HNRNPH3: variants seen among roughly 807,000 people sequenced by gnomAD.
HNRNPH3 encodes the protein heterogeneous nuclear ribonucleoprotein 2H9.
HNRNPH3 carries 7 observed loss-of-function variants against 47.0 expected under a neutral mutation model. That is an observed-to-expected ratio of 0.15 (90% CI 0.08 to 0.28). HNRNPH3 has a LOEUF of 0.28. Among genes scored for constraint, HNRNPH3 ranks in the 10% least tolerant of loss-of-function variants. The pLI is 1.00. For missense variants in HNRNPH3, 279 were observed against 449.6 expected, an observed-to-expected ratio of 0.62 and a Z score of 3.43; for synonymous variants, 120 against 143.2, an observed-to-expected ratio of 0.84 and a Z score of 1.16.
At chr10:68,341,348 C>T (rs373068500) in intron 7 of HNRNPH3, 39 bp downstream of exon 7, 128 of 1,571,986 alleles carry the variant, frequency 8.1e-5, no homozygotes, top group Admixed American at 1.3e-4. Flanking sequence ...ATTTCCTAAA[C>T]GTGAATTTAT....
chr10:68,338,681 G>T lies in HNRNPH3; in HGVS notation c.430G>T (p.Asp144Tyr). The T allele has an allele frequency of 6.3e-7, 1 of 1,589,564 alleles. No homozygotes were observed. Among genetic ancestry groups the T allele is most frequent in the South Asian group, 1.1e-5 (1 of 87,640 alleles). ...DRMRRGGDGYDGGYGGFDDYG... is the reference protein window; with the variant it reads ...DRMRRGGDGYYGGYGGFDDYG... ...AATGCGACGAGGAGGTGATGGATAT[G>T]ATGGTGGTATGTGTATCTAATGAAC... is the stretch of plus-strand genomic sequence containing the variant. Residue 144 changes from aspartate (D) to tyrosine (Y), a missense_variant, in exon 4 of 10, where the codon GAT becomes TAT. Asp to Tyr is a radical substitution (Grantham distance 160). Around this residue, in one of 2 missense-constraint regions of HNRNPH3, gnomAD observed 239 missense variants for 335.8 expected, o/e 0.71. Coordinates refer to ENST00000265866, the MANE Select transcript of HNRNPH3 (RefSeq NM_012207.3).
intron 1 of HNRNPH3, among the ~76,000 whole-genome samples, chr10:68,334,488 A>C (rs2134651373): frequency 6.6e-6 from 1 of 152,248 alleles, no homozygotes; most frequent in Non-Finnish European, 1.5e-5. Context: ...TAGTACATTC[A>C]CAGCGTTGTG....
intron 4 of HNRNPH3, 42 bp downstream of exon 4, chr10:68,338,729 T>TA (rs769812924): frequency 6.9e-7 from 1 of 1,451,248 alleles, no homozygotes; most frequent in South Asian, 1.4e-5. Flanking sequence ...GTCATTTTCT[T>TA]AATGTTCCTG....
chr10:68,332,546 C>T (rs2045218861), intron 1 of HNRNPH3, among the ~76,000 whole-genome samples: 1 of 152,250 alleles, frequency 6.6e-6, no homozygotes, highest in Admixed American at 6.5e-5. Flanking sequence ...CCGCCCTTCC[C>T]CGCTCTTTTT....
intron 6 of HNRNPH3, among the ~76,000 whole-genome samples, chr10:68,340,529 C>A (rs757293596): frequency 1.3e-5 from 2 of 152,178 alleles, no homozygotes; most frequent in African/African-American, 4.8e-5. Context: ...CACACCATTC[C>A]TCTACCTGTT....
At chr10:68,338,910 A>G (rs1360842210) in intron 4 of HNRNPH3, 3 of 530,788 alleles carry the variant, frequency 5.7e-6, no homozygotes, top group Non-Finnish European at 9.7e-6. Context: ...GCATATTTTG[A>G]CCTTTTTTTG....
chr10:68,333,017 G>A (rs573949499), intron 1 of HNRNPH3: 1 of 152,256 alleles, frequency 6.6e-6, no homozygotes, highest in South Asian at 2.1e-4. Context: ...TGGTCTCTAG[G>A]GCAGCTAGAT....
chr10:68,337,676 AATTT>A lies in HNRNPH3; in HGVS notation c.113-176_113-173del, dbSNP rs1037271793. 4.4e-5 allele frequency: 25 copies of A among 568,070 alleles called. 1 individual carries two copies. In the Middle Eastern group the frequency reaches 1.5e-3, roughly 33 times the overall value. The allele number at this position is 568,070 out of a possible 1,614,324, so 35.2% of individuals were successfully genotyped here. On this transcript the variant is annotated intron_variant, in intron 2 of 9. Transcript: ENST00000265866. This position sits in a 1 kb window ranked among gnomAD's most constrained non-coding sequence, Gnocchi z 4.5. ...CAGTGTTTTTACACTGGTCGCAAAAAATTTATTTAATCCAGTAATATTTGAAAAA... is the reference window on the plus strand; with the variant it reads ...CAGTGTTTTTACACTGGTCGCAAAAAATTTAATCCAGTAATATTTGAAAAA...
intron 6 of HNRNPH3, among the ~76,000 whole-genome samples, chr10:68,340,835 CTG>C (rs1313224849): frequency 6.6e-6 from 1 of 151,850 alleles, no homozygotes; most frequent in Non-Finnish European, 1.5e-5. Context: ...GTCTCCCACT[CTG>C]TCTCTCTGAG....
chr10:68,333,240 T>C (rs986524850), intron 1 of HNRNPH3, among the ~76,000 whole-genome samples: 1 of 143,662 alleles, frequency 7.0e-6, no homozygotes, highest in Non-Finnish European at 1.5e-5. Flanking sequence ...AAGTAGGTCG[T>C]CTGGGCCCAG....
upstream of HNRNPH3, chr10:68,332,029 C>G (rs972580627): frequency 6.5e-6 from 1 of 152,678 alleles, no homozygotes; most frequent in East Asian, 1.9e-4. Context: ...CTCCGCCCCC[C>G]ACTTCTTGCT....
chr10:68,338,479 G>A (rs1300787458), intron 3 of HNRNPH3, 24 bp from the exon 4 acceptor site: 4 of 1,508,402 alleles, frequency 2.7e-6, no homozygotes, highest in East Asian at 2.3e-5. Flanking sequence ...GCTGAAACCT[G>A]TACCTTAAAA....
At chr10:68,341,493 ATTAC>A (rs933610359) in intron 7 of HNRNPH3, 88 bp from the exon 8 acceptor site, 60 of 1,039,958 alleles carry the variant, frequency 5.8e-5, no homozygotes, top group African/African-American at 9.8e-5. Flanking sequence ...TTTGTTTAAT[ATTAC>A]TTAATTGATC....
chr10:68,337,590 T>C lies in HNRNPH3; in HGVS notation c.112+257T>C. 1 of 533,366 alleles carries C rather than the reference T, an allele frequency of 1.9e-6. No homozygotes were observed. The highest frequency in any genetic ancestry group is 2.8e-5 in the South Asian group (1 of 35,568). 33.0% of individuals were successfully genotyped at this position (533,366 alleles called of 1,614,324 possible). ...ACCGTGAATTAGTATATGGAGCATA[T>C]ATTTGATTTTGTAGCCTTTTTTCAT... On this transcript the variant is annotated intron_variant, in intron 2 of 9. Coordinates refer to ENST00000265866, the MANE Select transcript of HNRNPH3 (RefSeq NM_012207.3). This position sits in a 1 kb window ranked among gnomAD's most constrained non-coding sequence, Gnocchi z 4.5.
At chr10:68,340,845 G>C (rs1343609934) in intron 6 of HNRNPH3, among the ~76,000 whole-genome samples, 4 of 150,514 alleles carry the variant, frequency 2.7e-5, no homozygotes, top group South Asian at 2.1e-4. Context: ...CTGTCTCTCT[G>C]AGGCTGGAGT....
At chr10:68,340,210 G>T (rs1024908172) in intron 6 of HNRNPH3, among the ~76,000 whole-genome samples, 2 of 152,058 alleles carry the variant, frequency 1.3e-5, no homozygotes, top group Admixed American at 1.3e-4. Context: ...CTAACTTTTT[G>T]TATTTTTAGT....
At chr10:68,339,584 T>G in intron 6 of HNRNPH3, 29 bp downstream of exon 6, 2 of 1,350,564 alleles carry the variant, frequency 1.5e-6, no homozygotes, top group Non-Finnish European at 2.1e-6. Context: ...CTATTAGTGG[T>G]TTTATACTTA....
At position 68,339,472 on chromosome 10, in the gene HNRNPH3, G is replaced by T; in HGVS notation, c.556G>T (p.Asp186Tyr). 1 of 1,614,026 alleles carries T rather than the reference G, an allele frequency of 6.2e-7. No homozygotes were observed. Among genetic ancestry groups the T allele is most frequent in the Non-Finnish European group, 8.5e-7 (1 of 1,179,954 alleles). ...AGGACATGGCTATGGTGGAGCTGGT[G>T]ATGCAAGTTCAGGTTTTCATGGTGG... Reference protein sequence around the residue: ...MGGHGYGGAGDASSGFHGGHF... With the variant: ...MGGHGYGGAGYASSGFHGGHF... The change falls in exon 6 of 10, where the codon GAT becomes TAT. Residue 186 changes from aspartate (D) to tyrosine (Y), a missense_variant. Coordinates refer to ENST00000265866, the MANE Select transcript of HNRNPH3 (RefSeq NM_012207.3).
At chr10:68,336,871 A>G (rs2045571897) in intron 1 of HNRNPH3, 1 of 193,334 alleles carries the variant, frequency 5.2e-6, no homozygotes, top group Admixed American at 6.0e-5. Context: ...AATTTGAGAG[A>G]TAAGGAAAGG....
Sources: gnomAD v4.1 joint callset for allele counts (sites outside exome capture counted in the v4.1 genomes callset) on GRCh38, gnomAD v4.1.1 for gene constraint, gnomAD v4.1.1 regional missense constraint, Gnocchi (gnomAD v3.1) non-coding constraint, MANE v1.5 for transcripts, NCBI Gene and HGNC (gene_info 2026-07-23, HGNC 2026-07-21) for gene names.